The following PTPRD variants were observed in gnomAD, a reference collection of about 807,000 sequenced individuals.
The protein encoded by PTPRD is receptor-type tyrosine-protein phosphatase delta.
PTPRD carries 34 observed loss-of-function variants against 214.5 expected under a neutral mutation model. That is an observed-to-expected ratio of 0.16 (90% CI 0.12 to 0.21). The LOEUF is 0.21. Among genes scored for constraint, PTPRD ranks in the 10% least tolerant of loss-of-function variants. PTPRD has a pLI of 1.00. For synonymous variants in PTPRD, 1,128 were observed against 845.7 expected, an observed-to-expected ratio of 1.33 and a Z score of -5.79; for missense variants, 2,545 against 2,398.7, an observed-to-expected ratio of 1.06 and a Z score of -1.27.
At position 8,588,062 on chromosome 9, in the gene PTPRD, C is replaced by A. The variant is rs561525300; in HGVS notation, c.352+45255G>T. On this transcript the variant is annotated intron_variant, in intron 14 of 45. Transcript: ENST00000381196. ...CGTGACAATTTTAGGTAAACCTGAT[C>A]TTTGCCTATATGGTGTAATTGGTTT... 3.3e-5 allele frequency among the ~76,000 whole-genome samples: 5 copies of A among 152,356 alleles called. No individual in the cohort carries two copies. In the South Asian group the frequency reaches 1.0e-3, roughly 32 times the overall value.
intron 2 of PTPRD, among the ~76,000 whole-genome samples, chr9:10,406,939 C>T (rs2098372163): frequency 6.6e-6 from 1 of 151,544 alleles, no homozygotes; most frequent in Non-Finnish European, 1.5e-5. Context: ...AATATATGGT[C>T]ATCTTCAGTG....
At chr9:9,936,254 T>A (rs2089343195) in intron 5 of PTPRD, among the ~76,000 whole-genome samples, 1 of 148,430 alleles carries the variant, frequency 6.7e-6, no homozygotes, top group Admixed American at 6.6e-5. Flanking sequence ...AAAGAGCTTC[T>A]GCACAGCAAA....
chr9:8,367,580 G>T (rs538606093), intron 39 of PTPRD, among the ~76,000 whole-genome samples: 43 of 152,250 alleles, frequency 2.8e-4, no homozygotes, highest in African/African-American at 1.0e-3. Context: ...TTAGTGCAAT[G>T]ATATAATTAT....
At position 8,431,971 on chromosome 9, in the gene PTPRD, G is replaced by C. The variant is rs537213932; in HGVS notation, c.4086+4621C>G. On this transcript the variant is annotated intron_variant, in intron 35 of 45. Coordinates refer to ENST00000381196, the MANE Select transcript of PTPRD (RefSeq NM_002839.4). ...TCTGTCTGGTCCTGGGCTTTTTTTG[G>C]TTGGTACGCTATTAATTACTGCCTC... Among the ~76,000 whole-genome samples the C allele has an allele frequency of 8.8e-4, 134 of 152,224 alleles. 1 individual carries two copies. The highest frequency in any genetic ancestry group is 3.4e-3 in the Middle Eastern group (1 of 294).
chr9:9,227,530 T>C (rs2099960303), intron 9 of PTPRD, among the ~76,000 whole-genome samples: 1 of 152,132 alleles, frequency 6.6e-6, no homozygotes, highest in Non-Finnish European at 1.5e-5. Flanking sequence ...CTCCTCCCTA[T>C]AAGAGACAAA....
chr9:8,361,097 T>A (rs2078358848), intron 39 of PTPRD, among the ~76,000 whole-genome samples: 1 of 152,228 alleles, frequency 6.6e-6, no homozygotes, highest in South Asian at 2.1e-4. Context: ...ATGCCAATTA[T>A]GAATGCGTCA....
chr9:10,233,306 A>T (rs2099618163), intron 3 of PTPRD, among the ~76,000 whole-genome samples: 2 of 151,988 alleles, frequency 1.3e-5, no homozygotes, highest in African/African-American at 2.4e-5. Context: ...CCAACATTTC[A>T]AATAATTTTC....
chr9:8,401,926 T>C (rs1209401126), intron 36 of PTPRD, among the ~76,000 whole-genome samples: 1 of 152,188 alleles, frequency 6.6e-6, no homozygotes, highest in Non-Finnish European at 1.5e-5. Context: ...TTATAAATTG[T>C]GCATGAAGTC....
intron 36 of PTPRD, among the ~76,000 whole-genome samples, chr9:8,394,656 C>A (rs2090593114): frequency 6.6e-6 from 1 of 152,136 alleles, no homozygotes; most frequent in South Asian, 2.1e-4. Context: ...AGGTGTCTGT[C>A]TGTGCTATTC....
At chr9:9,351,500 C>G (rs1485105212) in intron 9 of PTPRD, among the ~76,000 whole-genome samples, 1 of 151,962 alleles carries the variant, frequency 6.6e-6, no homozygotes, top group Non-Finnish European at 1.5e-5. Flanking sequence ...ATCTGAACTT[C>G]CTTTCAGGTG....
chr9:8,339,985 T>A (rs145586670), intron 42 of PTPRD, among the ~76,000 whole-genome samples: 1,983 of 152,174 alleles, frequency 0.013, 35 homozygotes, highest in African/African-American at 0.046. Flanking sequence ...AAAGTCAAGT[T>A]CCTTCATAAG....
chr9:8,479,041 G>C (rs1432173143), intron 30 of PTPRD, among the ~76,000 whole-genome samples: 12 of 152,152 alleles, frequency 7.9e-5, no homozygotes, highest in Admixed American at 7.2e-4. Context: ...TCTGGAATGA[G>C]TTCTGTTTCT....
At chr9:9,832,187 C>T (rs1006008201) in intron 5 of PTPRD, among the ~76,000 whole-genome samples, 1 of 151,936 alleles carries the variant, frequency 6.6e-6, no homozygotes, top group African/African-American at 2.4e-5. Flanking sequence ...TAGTGAAAAA[C>T]ACCGTAGTTG....
chr9:10,246,374 G>C lies in PTPRD; in HGVS notation c.-545+94589C>G, dbSNP rs533357429. ...TTCTCCTGCCTCAGCCTCCCAAGTA[G>C]GTGGGATTACAGGTGCCCACCATCA... On this transcript the variant is annotated intron_variant, in intron 3 of 45. Transcript: ENST00000381196. Among the ~76,000 whole-genome samples, 36 of 152,232 alleles carry C rather than the reference G, an allele frequency of 2.4e-4. No individual in the cohort carries two copies. In the East Asian group the frequency reaches 6.0e-3, roughly 25 times the overall value.
intron 14 of PTPRD, among the ~76,000 whole-genome samples, chr9:8,557,657 C>T (rs1373631323): frequency 6.8e-6 from 1 of 146,426 alleles, no homozygotes; most frequent in Non-Finnish European, 1.5e-5. Context: ...GCAGGGGAAT[C>T]GCTTGAACAT....
intron 30 of PTPRD, among the ~76,000 whole-genome samples, chr9:8,480,554 G>A (rs534465286): frequency 5.3e-4 from 80 of 152,132 alleles, no homozygotes; most frequent in Admixed American, 1.3e-3. Context: ...TTGACTATTA[G>A]GGTATGTGAT....
At chr9:10,084,171 A>G (rs1353827057) in intron 3 of PTPRD, among the ~76,000 whole-genome samples, 3 of 151,998 alleles carry the variant, frequency 2.0e-5, no homozygotes, top group African/African-American at 7.2e-5. Context: ...CAATATTTTA[A>G]GTGTTGTTTT....
At chr9:9,735,058 T>A (rs2098269757) in intron 6 of PTPRD, among the ~76,000 whole-genome samples, 1 of 152,098 alleles carries the variant, frequency 6.6e-6, no homozygotes, top group Admixed American at 6.6e-5. Flanking sequence ...ATGAAAGATA[T>A]TATAATGACA....
At chr9:9,428,608 C>G (rs1376575497) in intron 8 of PTPRD, among the ~76,000 whole-genome samples, 1 of 152,212 alleles carries the variant, frequency 6.6e-6, no homozygotes, top group Admixed American at 6.5e-5. Context: ...ACATTCTTCT[C>G]AGCACCATGT....
Sources: allele counts gnomAD v4.1 joint callset (sites outside exome capture counted in the v4.1 genomes callset), GRCh38; gene constraint gnomAD v4.1.1; transcripts MANE v1.5; gene names NCBI Gene and HGNC (gene_info 2026-07-23, HGNC 2026-07-21).